SRGAP2: variants seen among roughly 807,000 people sequenced by gnomAD.
SRGAP2 encodes the protein SLIT-ROBO Rho GTPase-activating protein 2.
Under a neutral mutation model 57.2 loss-of-function variants are expected in SRGAP2, and 15 were observed. The observed-to-expected ratio is 0.26, with a 90% CI of 0.18 to 0.40. The LOEUF is 0.40. SRGAP2 is among the 10% of genes least tolerant of loss of function. SRGAP2 has a pLI of 1.00. For synonymous variants in SRGAP2, 249 were observed against 248.0 expected (o/e 1.00, Z -0.04); for missense variants, 520 against 669.6 (o/e 0.78, Z 2.47).
intron 2 of SRGAP2, among the ~76,000 whole-genome samples, chr1:206,226,397 C>T (rs1667275151): frequency 6.6e-6 from 1 of 152,010 alleles, no homozygotes; most frequent in Admixed American, 6.6e-5. Context: ...ACAGAGATTA[C>T]CCACAGTTGG....
chr1:206,236,897 A>AT (rs1191501411), intron 2 of SRGAP2, among the ~76,000 whole-genome samples: 4 of 116,662 alleles, frequency 3.4e-5, no homozygotes, highest in Non-Finnish European at 5.2e-5. Flanking sequence ...ATTTATTTTA[A>AT]TTTTTTTTTG....
chr1:206,437,898 C>A (rs1030503836), intron 15 of SRGAP2, 66 bp from the exon 16 acceptor site: 1 of 770,872 alleles, frequency 1.3e-6, no homozygotes, highest in Non-Finnish European at 2.4e-6. Flanking sequence ...CCCTTCCCCA[C>A]GTTCGTCCTG....
At chr1:206,430,788 A>G (rs1201110533) in intron 14 of SRGAP2, among the ~76,000 whole-genome samples, 1 of 152,244 alleles carries the variant, frequency 6.6e-6, no homozygotes, top group Non-Finnish European at 1.5e-5. Flanking sequence ...AGGTGAAATC[A>G]TACTCTCTTC....
At position 206,307,193 on chromosome 1, in the gene SRGAP2, T is replaced by C. The variant is rs1285891170; in HGVS notation, c.260+3720T>C. Among the ~76,000 whole-genome samples, 8 of 151,836 alleles carry C rather than the reference T, an allele frequency of 5.3e-5. No individual in the cohort carries two copies. The East Asian group carries it at 1.4e-3, about 26-fold the overall frequency. On this transcript the variant is annotated intron_variant, in intron 3 of 22. Transcript: ENST00000573034. ...CCTTGAGCTAGATATAGAGTGCCGATTGGTGTATTTACAATCCTTGAGCTA... is the reference window on the plus strand; with the variant it reads ...CCTTGAGCTAGATATAGAGTGCCGACTGGTGTATTTACAATCCTTGAGCTA...
intron 14 of SRGAP2, 128 bp downstream of exon 14, chr1:206,430,350 C>T: frequency 1.5e-6 from 1 of 676,286 alleles, no homozygotes; most frequent in South Asian, 1.6e-5. Flanking sequence ...TAAATTCTTA[C>T]TTGTCCACAT....
intron 15 of SRGAP2, chr1:206,437,730 A>C: frequency 1.9e-6 from 1 of 515,678 alleles, no homozygotes; most frequent in South Asian, 2.5e-5. Context: ...AGGCTGGCAC[A>C]AGAGAGTTTA....
rs116631648 is a variant in SRGAP2, at chr1:206,432,726, C to T, written c.1555+2504C>T. Among the ~76,000 whole-genome samples, 1,315 of 152,258 alleles carry T rather than the reference C, an allele frequency of 8.6e-3. 18 individuals are homozygous for T. Among genetic ancestry groups the T allele is most frequent in the African/African-American group, 0.03 (1,250 of 41,536 alleles). ...CCTCGGCCTCTAATGGGGTTACGTA[C>T]GCATAAATCCATAGTAAGTTGAAAA... On this transcript the variant is annotated intron_variant, in intron 14 of 22. Transcript: ENST00000573034.
intron 21 of SRGAP2, chr1:206,455,257 TG>T: frequency 5.3e-6 from 3 of 568,184 alleles, no homozygotes; most frequent in Non-Finnish European, 9.5e-6. Context: ...TGTGGAAGGG[TG>T]CTTTACTGTG....
rs1356888064 is a variant in SRGAP2, at chr1:206,373,695, A to G, written c.424-10319A>G. Among the ~76,000 whole-genome samples the G allele has an allele frequency of 8.6e-5, 6 of 69,634 alleles. No homozygotes were observed. The South Asian group carries it at 1.8e-3, about 21-fold the overall frequency. The allele number at this position is 69,634 out of a possible 152,430, so 45.7% of individuals were successfully genotyped here. A position where few individuals can be genotyped will look rare whatever the true frequency, so the allele number is the denominator to read the frequency against. On this transcript the variant is annotated intron_variant, in intron 4 of 22. Transcript: ENST00000573034. The stretch of plus-strand genomic sequence containing the variant: ...GGTTGCAGTGAGCCGAGATGGCGCC[A>G]CTGCACTCCAGCCTGGTGATAGAGC...
At chr1:206,347,279 C>A (rs1449371549) in intron 4 of SRGAP2, among the ~76,000 whole-genome samples, 5 of 151,420 alleles carry the variant, frequency 3.3e-5, no homozygotes, top group Non-Finnish European at 4.4e-5. Context: ...AACAAAAAAA[C>A]AAAAAACAAA....
chr1:206,316,683 ATAGT>A (rs1268037203), intron 3 of SRGAP2, among the ~76,000 whole-genome samples: 3 of 148,144 alleles, frequency 2.0e-5, no homozygotes, highest in African/African-American at 7.6e-5. Context: ...CTTGGAGTTA[ATAGT>A]TAGCCCTATT....
intron 3 of SRGAP2, among the ~76,000 whole-genome samples, chr1:206,309,063 T>G (rs1257605408): frequency 7.1e-6 from 1 of 140,990 alleles, no homozygotes; most frequent in African/African-American, 2.8e-5. Context: ...TCCTAACTTC[T>G]CAGGAGGTGG....
At chr1:206,302,624 T>C (rs1671937601) in intron 2 of SRGAP2, among the ~76,000 whole-genome samples, 1 of 152,252 alleles carries the variant, frequency 6.6e-6, no homozygotes, top group Non-Finnish European at 1.5e-5. Flanking sequence ...TGATTGACAG[T>C]GAATGGTTTG....
At chr1:206,204,355 C>CTCTCGCT (rs1260034317) in intron 1 of SRGAP2, 1 of 341,972 alleles carries the variant, frequency 2.9e-6, no homozygotes, top group Non-Finnish European at 5.6e-6. Flanking sequence ...TCACACCCGC[C>CTCTCGCT]TCTCGCTTCC....
chr1:206,446,302 A>AG lies in SRGAP2; in HGVS notation c.2099+9dup, dbSNP rs782042972. 1 of 780,584 alleles carries AG rather than the reference A, an allele frequency of 1.3e-6. No individual in the cohort carries two copies. Among genetic ancestry groups the AG allele is most frequent in the Admixed American group, 1.7e-5 (1 of 59,040 alleles). 48.4% of individuals were successfully genotyped at this position (780,584 alleles called of 1,614,324 possible). A position where few individuals can be genotyped will look rare whatever the true frequency, so the allele number is the denominator to read the frequency against. ...GGAGGAAGCATGGAGGATTACTGGTAGGGGGGCTTGGGACGGGAGGAGGGG... is the reference window on the plus strand; with the variant it reads ...GGAGGAAGCATGGAGGATTACTGGTAGGGGGGGCTTGGGACGGGAGGAGGGG... On this transcript the variant is annotated splice_donor_region_variant and intron_variant, in intron 18 of 22. Coordinates refer to ENST00000573034, the MANE Select transcript of SRGAP2 (RefSeq NM_015326.5).
Position 206,234,712 on chromosome 1 carries a change from G to A in SRGAP2, c.67+28675G>A, listed in dbSNP as rs573939914. On this transcript the variant is annotated intron_variant, in intron 2 of 22. Transcript: ENST00000573034. Reference sequence around the variant, plus strand: ...CCAAGTGTGTATATCTGAAGTGTTTGTACAAAGATGGGGGCAGAGAGCTGC... The same window carrying A: ...CCAAGTGTGTATATCTGAAGTGTTTATACAAAGATGGGGGCAGAGAGCTGC... Among the ~76,000 whole-genome samples the A allele has an allele frequency of 1.2e-4, 19 of 152,186 alleles. No individual in the cohort carries two copies. The East Asian group carries it at 3.5e-3, about 28-fold the overall frequency.
At chr1:206,416,753 C>T (rs1553362119) in intron 11 of SRGAP2, among the ~76,000 whole-genome samples, 2 of 152,122 alleles carry the variant, frequency 1.3e-5, no homozygotes, top group Admixed American at 1.3e-4. Context: ...TTGGGGATGC[C>T]TCTGAATGCC....
At chr1:206,204,791 G>GCC (rs1479102686) in intron 1 of SRGAP2, 1 of 119,928 alleles carries the variant, frequency 8.3e-6, no homozygotes, top group African/African-American at 3.8e-5. Flanking sequence ...CCTTCCGCTC[G>GCC]CCGCCCCCCG....
intron 16 of SRGAP2, among the ~76,000 whole-genome samples, chr1:206,439,199 T>G (rs1201926712): frequency 6.6e-6 from 1 of 152,030 alleles, no homozygotes; most frequent in East Asian, 1.9e-4. Context: ...AAGGCACTCA[T>G]AGAAAATGGC....
Sources: gnomAD v4.1 joint callset for allele counts (sites outside exome capture counted in the v4.1 genomes callset) on GRCh38, gnomAD v4.1.1 for gene constraint, MANE v1.5 for transcripts, NCBI Gene and HGNC (gene_info 2026-07-23, HGNC 2026-07-21) for gene names.